SLC35F4: variants seen among roughly 807,000 people sequenced by gnomAD.
SLC35F4 encodes the protein chromosome 14 open reading frame 36.
SLC35F4 carries 24 observed loss-of-function variants against 44.2 expected under a neutral mutation model. The observed-to-expected ratio is 0.54, with a 90% CI of 0.39 to 0.76. SLC35F4 has a LOEUF of 0.76. SLC35F4 is among the 30% of genes least tolerant of loss of function. The pLI, the probability that SLC35F4 is intolerant of heterozygous loss-of-function variation, is 0.00. For missense variants in SLC35F4, 562 were observed against 586.1 expected (o/e 0.96, Z 0.42); for synonymous variants, 238 against 223.6 (o/e 1.06, Z -0.57).
chr14:57,866,716 T>C (rs1270378964), upstream of SLC35F4, among the ~76,000 whole-genome samples: 1 of 152,230 alleles, frequency 6.6e-6, no homozygotes, highest in East Asian at 1.9e-4. Flanking sequence ...TTTTCTCCTT[T>C]ATTGCCAAAA....
chr14:57,753,070 A>G (rs2076922027), intron 1 of SLC35F4, among the ~76,000 whole-genome samples: 1 of 152,124 alleles, frequency 6.6e-6, no homozygotes, highest in Admixed American at 6.5e-5. Context: ...ACTGCCGGGG[A>G]GAGAAGAGAG....
At chr14:57,906,278 T>G (rs975744846) in intron 1 of SLC35F4, among the ~76,000 whole-genome samples, 14 of 152,258 alleles carry the variant, frequency 9.2e-5, no homozygotes, top group African/African-American at 3.4e-4. Context: ...TCAGGCCTTT[T>G]CTGAGACTGT....
intron 1 of SLC35F4, among the ~76,000 whole-genome samples, chr14:57,922,965 G>A (rs959291936): frequency 7.2e-5 from 11 of 152,302 alleles, no homozygotes; most frequent in African/African-American, 2.4e-4. Context: ...GAAAATTTGC[G>A]TTTGAGTGCC....
intron 1 of SLC35F4, among the ~76,000 whole-genome samples, chr14:57,797,390 A>G (rs2078078232): frequency 6.6e-6 from 1 of 152,196 alleles, no homozygotes; most frequent in Non-Finnish European, 1.5e-5. Flanking sequence ...GCACAGAATG[A>G]GATAGGACAG....
intron 1 of SLC35F4, among the ~76,000 whole-genome samples, chr14:57,933,774 T>C (rs1259504637): frequency 2.0e-5 from 3 of 152,200 alleles, no homozygotes; most frequent in African/African-American, 7.2e-5. Flanking sequence ...CAATACTCTG[T>C]TAAAACCCTC....
chr14:57,674,886 T>C (rs1348687221), intron 1 of SLC35F4, among the ~76,000 whole-genome samples: 2 of 152,100 alleles, frequency 1.3e-5, no homozygotes, highest in Non-Finnish European at 2.9e-5. Flanking sequence ...CTGCATCTTC[T>C]ATAGTACTCT....
chr14:57,795,429 C>T (rs74053340), intron 1 of SLC35F4, among the ~76,000 whole-genome samples: 6,721 of 152,186 alleles, frequency 0.044, 405 homozygotes, highest in African/African-American at 0.14. Context: ...TTCAAGAGCT[C>T]GCCACCCAAC....
intron 1 of SLC35F4, among the ~76,000 whole-genome samples, chr14:57,803,098 T>A (rs2078230601): frequency 6.6e-6 from 1 of 152,070 alleles, no homozygotes. Flanking sequence ...TCAAAAAGCT[T>A]ATCCACCATG....
chr14:57,755,345 C>A (rs554812482), intron 1 of SLC35F4, among the ~76,000 whole-genome samples: 3 of 152,222 alleles, frequency 2.0e-5, no homozygotes, highest in South Asian at 4.2e-4. Context: ...TTCCCATGAG[C>A]CCCACTCCTG....
chr14:57,687,571 T>C (rs557749864), intron 1 of SLC35F4, among the ~76,000 whole-genome samples: 1 of 152,308 alleles, frequency 6.6e-6, no homozygotes, highest in East Asian at 1.9e-4. Context: ...CCACAGTCTG[T>C]GCATCAGCAG....
chr14:57,926,458 G>T (rs975628555), intron 1 of SLC35F4, among the ~76,000 whole-genome samples: 1 of 151,942 alleles, frequency 6.6e-6, no homozygotes, highest in Non-Finnish European at 1.5e-5. Flanking sequence ...ACTTCCAACT[G>T]GTGCTAGTTG....
Position 57,654,097 on chromosome 14 carries a change from A to T in SLC35F4, c.104-59973T>A, listed in dbSNP as rs1043687696. On this transcript the variant is annotated intron_variant, in intron 1 of 7. Transcript: ENST00000556826. ...ACCAGTCATATTGCATTAGGTACCCATTCTACTCATCCAGTATGGCTTCGT... is the reference window on the plus strand; with the variant it reads ...ACCAGTCATATTGCATTAGGTACCCTTTCTACTCATCCAGTATGGCTTCGT... Among the ~76,000 whole-genome samples the T allele has an allele frequency of 2.6e-5, 4 of 152,202 alleles. No individual in the cohort carries two copies. In the South Asian group the frequency reaches 8.3e-4, roughly 32 times the overall value.
intron 1 of SLC35F4, among the ~76,000 whole-genome samples, chr14:57,914,387 C>T (rs808217): frequency 0.19 from 29,410 of 151,948 alleles, 3,054 homozygotes; most frequent in South Asian, 0.24. Context: ...CACAGTGAAA[C>T]GCTGTCTCTA....
At position 57,888,473 on chromosome 14, in the gene SLC35F4, A is replaced by G. The variant is rs577355675; in HGVS notation, n.282+93440T>C. 2.0e-5 allele frequency among the ~76,000 whole-genome samples: 3 copies of G among 152,340 alleles called. No individual in the cohort carries two copies. The South Asian group carries it at 6.2e-4, about 32-fold the overall frequency. On this transcript the variant is annotated intron_variant and non_coding_transcript_variant, in intron 1 of 1. Coordinates refer to the SLC35F4 transcript ENST00000556568. ...ATGGGTTCCTTTGCAAAAGGGTAAT[A>G]ACAATATGCTGCACTTCACACATTT... is the stretch of plus-strand genomic sequence containing the variant.
intron 1 of SLC35F4, among the ~76,000 whole-genome samples, chr14:57,601,371 A>G (rs904044733): frequency 6.6e-6 from 1 of 152,012 alleles, no homozygotes; most frequent in African/African-American, 2.4e-5. Flanking sequence ...CATATTTGTT[A>G]CCTGGGTATA....
At chr14:57,699,482 C>T (rs561928296) in intron 1 of SLC35F4, among the ~76,000 whole-genome samples, 29 of 152,286 alleles carry the variant, frequency 1.9e-4, no homozygotes, top group African/African-American at 7.0e-4. Flanking sequence ...AATTTCTTGT[C>T]ACCAGGAAGT....
chr14:57,866,209 A>T (rs886585908), upstream of SLC35F4: 6 of 154,490 alleles, frequency 3.9e-5, no homozygotes, highest in African/African-American at 1.5e-4. Flanking sequence ...AGACACCCCA[A>T]CCCCACCTGA....
At chr14:57,870,156 G>GTGTC (rs1211320834), upstream of SLC35F4, among the ~76,000 whole-genome samples, 6,458 of 150,810 alleles carry the variant, frequency 0.043, 489 homozygotes, top group African/African-American at 0.15. Flanking sequence ...GTGTGTGTGT[G>GTGTC]TCTGTGTCTC....
intron 1 of SLC35F4, among the ~76,000 whole-genome samples, chr14:57,775,773 C>T (rs2077473800): frequency 6.6e-6 from 1 of 152,230 alleles, no homozygotes; most frequent in Non-Finnish European, 1.5e-5. Context: ...TGCACTCGTT[C>T]TTCAGCAAGG....
Sources: gnomAD v4.1 joint callset for allele counts (sites outside exome capture counted in the v4.1 genomes callset) on GRCh38, gnomAD v4.1.1 for gene constraint, MANE v1.5 for transcripts, NCBI Gene and HGNC (gene_info 2026-07-23, HGNC 2026-07-21) for gene names.